Variants in CCDC192 observed in about 807,000 individuals in gnomAD.
CCDC192 encodes the protein coiled-coil domain containing 192, also known as coiled-coil domain-containing protein 192.
At chr5:127,787,380 T>G (rs1756603322) in intron 3 of CCDC192, among the ~76,000 whole-genome samples, 2 of 152,306 alleles carry the variant, frequency 1.3e-5, no homozygotes, top group South Asian at 4.1e-4. Flanking sequence ...AGCCCAGGCC[T>G]CCTCCTCCTG....
chr5:127,732,227 C>G (rs781431315), intron 2 of CCDC192, among the ~76,000 whole-genome samples: 4 of 151,910 alleles, frequency 2.6e-5, no homozygotes, highest in African/African-American at 4.8e-5. Context: ...ATGTGGCCAA[C>G]AAACATATGG....
intron 5 of CCDC192, among the ~76,000 whole-genome samples, chr5:127,841,201 T>G (rs570691449): frequency 6.6e-6 from 1 of 152,316 alleles, no homozygotes; most frequent in African/African-American, 2.4e-5. Flanking sequence ...AGCAACAGTA[T>G]AGTGGAGTCC....
intron 3 of CCDC192, among the ~76,000 whole-genome samples, chr5:127,780,963 A>T (rs185335205): frequency 6.6e-6 from 1 of 152,188 alleles, no homozygotes; most frequent in Non-Finnish European, 1.5e-5. Flanking sequence ...TCAGGAAAGC[A>T]CATAAGATTT....
chr5:127,723,575 G>A (rs1021853418), intron 2 of CCDC192, among the ~76,000 whole-genome samples: 25 of 152,166 alleles, frequency 1.6e-4, no homozygotes, highest in African/African-American at 5.8e-4. Flanking sequence ...GCTATGATCT[G>A]AAGAAAATTA....
Position 127,749,824 on chromosome 5 carries a change from T to G in CCDC192, c.115-4444T>G, listed in dbSNP as rs1214629359. 3.3e-5 allele frequency among the ~76,000 whole-genome samples: 5 copies of G among 152,352 alleles called. No individual in the cohort carries two copies. In the East Asian group the frequency reaches 9.6e-4, roughly 29 times the overall value. On this transcript the variant is annotated intron_variant, in intron 2 of 6. Coordinates refer to ENST00000514853, the MANE Select transcript of CCDC192 (RefSeq NM_001317938.2). ...TTGGTCTATTCAGAGATTCAACTTC[T>G]TCCTGGTTTAGTCTTGGGAGAGTGT...
At chr5:127,818,350 G>A (rs962579232) in intron 5 of CCDC192, among the ~76,000 whole-genome samples, 1 of 152,106 alleles carries the variant, frequency 6.6e-6, no homozygotes, top group African/African-American at 2.4e-5. Flanking sequence ...TTCAACCTTG[G>A]CCACCATTGA....
At chr5:127,753,569 G>T (rs1322620852) in intron 2 of CCDC192, among the ~76,000 whole-genome samples, 2 of 151,984 alleles carry the variant, frequency 1.3e-5, no homozygotes, top group African/African-American at 4.8e-5. Context: ...GGTGGCGCGT[G>T]CCTGTAATCT....
intron 6 of CCDC192, among the ~76,000 whole-genome samples, chr5:127,938,024 C>A (rs146184492): frequency 2.0e-5 from 3 of 151,972 alleles, no homozygotes; most frequent in African/African-American, 7.3e-5. Flanking sequence ...CCTGCTGAGG[C>A]CCTGCATCCC....
At chr5:127,839,849 C>G (rs1750206735) in intron 5 of CCDC192, among the ~76,000 whole-genome samples, 1 of 151,636 alleles carries the variant, frequency 6.6e-6, no homozygotes, top group Admixed American at 6.6e-5. Context: ...AAAAATACTG[C>G]CAATACTCCA....
intron 1 of CCDC192, among the ~76,000 whole-genome samples, chr5:127,704,296 C>T: frequency 6.6e-6 from 1 of 152,086 alleles, no homozygotes; most frequent in Non-Finnish European, 1.5e-5. Context: ...TCAAGTGATT[C>T]TCCCACTTCA....
chr5:127,769,028 C>G (rs951208714), intron 3 of CCDC192, among the ~76,000 whole-genome samples: 9 of 152,222 alleles, frequency 5.9e-5, no homozygotes, highest in Non-Finnish European at 1.3e-4. Context: ...TCTACAAGGT[C>G]TGGCAAGACT....
chr5:127,837,870 C>A (rs1286781747), intron 5 of CCDC192, among the ~76,000 whole-genome samples: 1 of 152,148 alleles, frequency 6.6e-6, no homozygotes, highest in African/African-American at 2.4e-5. Context: ...CGCCTGTAGT[C>A]CCAGCTACTC....
At chr5:127,814,544 A>G (rs917806135) in intron 5 of CCDC192, among the ~76,000 whole-genome samples, 2 of 152,258 alleles carry the variant, frequency 1.3e-5, no homozygotes, top group African/African-American at 4.8e-5. Flanking sequence ...TAGCCTAAAC[A>G]GTAGCATGTT....
Position 127,861,590 on chromosome 5 carries a change from G to A in CCDC192, c.412-13948G>A, listed in dbSNP as rs555663111. On this transcript the variant is annotated intron_variant, in intron 5 of 6. Coordinates refer to ENST00000514853, the MANE Select transcript of CCDC192 (RefSeq NM_001317938.2). ...GAATTTCTTGAACCTGAGAGGTGGA[G>A]GTTGCGGTGAGCTGAGACTGTGACA... Among the ~76,000 whole-genome samples, 4 of 152,186 alleles carry A rather than the reference G, an allele frequency of 2.6e-5. No homozygotes were observed. In the South Asian group the frequency reaches 8.3e-4, roughly 32 times the overall value.
chr5:127,763,197 A>G (rs188074798), intron 3 of CCDC192, among the ~76,000 whole-genome samples: 58 of 152,262 alleles, frequency 3.8e-4, no homozygotes, highest in African/African-American at 1.4e-3. Context: ...GTTCTCACAG[A>G]CAACTCAAGC....
chr5:127,923,468 C>A (rs998836716), intron 6 of CCDC192, among the ~76,000 whole-genome samples: 2 of 151,810 alleles, frequency 1.3e-5, no homozygotes, highest in Non-Finnish European at 2.9e-5. Context: ...AGCTCCGCCT[C>A]CCGGATTCAC....
At chr5:127,770,415 A>G (rs1755482359) in intron 3 of CCDC192, among the ~76,000 whole-genome samples, 1 of 152,242 alleles carries the variant, frequency 6.6e-6, no homozygotes, top group African/African-American at 2.4e-5. Flanking sequence ...ATGGAAGTAA[A>G]GGACAAAGAA....
intron 2 of CCDC192, among the ~76,000 whole-genome samples, chr5:127,711,410 T>C (rs775556209): frequency 8.5e-5 from 13 of 152,196 alleles, no homozygotes; most frequent in African/African-American, 1.2e-4. Context: ...GCCCACTATA[T>C]AGGAAGTCAG....
At chr5:127,768,359 A>G (rs1755353189) in intron 3 of CCDC192, among the ~76,000 whole-genome samples, 1 of 152,176 alleles carries the variant, frequency 6.6e-6, no homozygotes, top group Non-Finnish European at 1.5e-5. Context: ...TCACACTCAT[A>G]TAGGGAGAAA....
Sources: gnomAD v4.1 joint callset for allele counts (sites outside exome capture counted in the v4.1 genomes callset) on GRCh38, gnomAD v4.1.1 for gene constraint, MANE v1.5 for transcripts, NCBI Gene and HGNC (gene_info 2026-07-23, HGNC 2026-07-21) for gene names.